Variants in SLC9A9 observed in about 807,000 individuals in gnomAD.
SLC9A9 encodes solute carrier family 9 member A9.
Under a neutral mutation model 77.8 loss-of-function variants are expected in SLC9A9, and 62 were observed. That is an observed-to-expected ratio of 0.80 (90% CI 0.65 to 0.98). The LOEUF (loss-of-function observed/expected upper bound fraction) is 0.98. Ranked by LOEUF, SLC9A9 falls within the 50% of genes least tolerant of loss-of-function variation. The pLI is 0.00. For synonymous variants in SLC9A9, 320 were observed against 283.5 expected (o/e 1.13, Z -1.29); for missense variants, 775 against 774.9 (o/e 1.00, Z 0.00).
intron 4 of SLC9A9, among the ~76,000 whole-genome samples, chr3:143,764,391 G>T (rs1221275427): frequency 6.6e-6 from 1 of 152,114 alleles, no homozygotes; most frequent in African/African-American, 2.4e-5. Context: ...TCCGTCCTTG[G>T]AATGTAATAT....
At chr3:143,484,671 G>A (rs2035629663) in intron 11 of SLC9A9, among the ~76,000 whole-genome samples, 1 of 152,158 alleles carries the variant, frequency 6.6e-6, no homozygotes, top group Admixed American at 6.5e-5. Context: ...GCTGGGGTTG[G>A]CCTGGATTAG....
At chr3:143,699,557 T>C (rs1933738111) in intron 4 of SLC9A9, among the ~76,000 whole-genome samples, 1 of 152,130 alleles carries the variant, frequency 6.6e-6, no homozygotes, top group African/African-American at 2.4e-5. Context: ...GTACTGAACT[T>C]ACCGGTGCCG....
intron 6 of SLC9A9, among the ~76,000 whole-genome samples, chr3:143,597,090 T>C (rs1485804314): frequency 1.3e-5 from 2 of 152,220 alleles, no homozygotes; most frequent in Admixed American, 6.5e-5. Flanking sequence ...CATTGTAAGA[T>C]ACATGGATGT....
At chr3:143,818,214 A>T (rs2009071411) in intron 2 of SLC9A9, among the ~76,000 whole-genome samples, 1 of 152,242 alleles carries the variant, frequency 6.6e-6, no homozygotes, top group Non-Finnish European at 1.5e-5. Flanking sequence ...AAAATCACAT[A>T]TATTTTTTAA....
At chr3:143,515,910 T>A (rs76110127) in intron 9 of SLC9A9, among the ~76,000 whole-genome samples, 3,091 of 152,292 alleles carry the variant, frequency 0.02, 99 homozygotes, top group African/African-American at 0.069. Context: ...TTGAGGTGCA[T>A]TTCTCTTTTG....
intron 6 of SLC9A9, among the ~76,000 whole-genome samples, chr3:143,581,835 C>G (rs2037459806): frequency 6.6e-6 from 1 of 152,188 alleles, no homozygotes; most frequent in Admixed American, 6.5e-5. Context: ...ACTAGGGCAA[C>G]AGCACCGTCT....
rs1252793543 is a variant in SLC9A9 at position 143,449,820 on chromosome 3, T to TTA, written c.1469+17215_1469+17216dup. Among the ~76,000 whole-genome samples, 137 of 40,270 alleles carry TTA rather than the reference T, an allele frequency of 3.4e-3. 10 individuals are homozygous for TTA. The highest frequency in any genetic ancestry group is 4.1e-3 in the Non-Finnish European group (120 of 29,036). 26.4% of individuals were successfully genotyped at this position (40,270 alleles called of 152,430 possible). On this transcript the variant is annotated intron_variant, in intron 12 of 15. Coordinates refer to ENST00000316549, the MANE Select transcript of SLC9A9 (RefSeq NM_173653.4). ...ATATTTTATATATATAATTATATAT[T>TTA]TACATATATAATTATATGTATTATA...
intron 6 of SLC9A9, among the ~76,000 whole-genome samples, chr3:143,581,520 CTTCT>C (rs762146738): frequency 1.3e-5 from 2 of 151,878 alleles, no homozygotes; most frequent in Non-Finnish European, 2.9e-5. Flanking sequence ...CCCTTCCTTC[CTTCT>C]TTCCCTCCTT....
chr3:143,368,472 G>C (rs1383160674), intron 13 of SLC9A9, among the ~76,000 whole-genome samples: 2 of 152,188 alleles, frequency 1.3e-5, no homozygotes, highest in Non-Finnish European at 2.9e-5. Flanking sequence ...GATGAACTCT[G>C]CTTTGGGATA....
intron 4 of SLC9A9, among the ~76,000 whole-genome samples, chr3:143,762,410 T>C (rs573023528): frequency 1.3e-5 from 2 of 152,320 alleles, no homozygotes; most frequent in East Asian, 3.9e-4. Flanking sequence ...AGAATGGTAT[T>C]TGGGTTATTT....
intron 6 of SLC9A9, among the ~76,000 whole-genome samples, chr3:143,643,518 G>A (rs2038654847): frequency 6.6e-6 from 1 of 152,194 alleles, no homozygotes; most frequent in African/African-American, 2.4e-5. Flanking sequence ...CCTCTGGGCA[G>A]TATATGCCAT....
chr3:143,598,471 T>C (rs2037794592), intron 6 of SLC9A9, among the ~76,000 whole-genome samples: 1 of 152,220 alleles, frequency 6.6e-6, no homozygotes, highest in Non-Finnish European at 1.5e-5. Flanking sequence ...GGTAAATTAG[T>C]GGCGCTAGTG....
At chr3:143,505,579 T>C (rs143006770) in intron 9 of SLC9A9, among the ~76,000 whole-genome samples, 40 of 152,268 alleles carry the variant, frequency 2.6e-4, no homozygotes, top group African/African-American at 9.1e-4. Context: ...ATTTCTTTGT[T>C]TGAGAATTTT....
intron 4 of SLC9A9, among the ~76,000 whole-genome samples, chr3:143,756,605 G>A (rs1291943632): frequency 6.6e-6 from 1 of 152,134 alleles, no homozygotes. Context: ...TGAATCCAGG[G>A]CACTCTGGAG....
intron 9 of SLC9A9, among the ~76,000 whole-genome samples, chr3:143,523,558 C>G (rs1394425302): frequency 1.3e-5 from 2 of 152,148 alleles, no homozygotes; most frequent in East Asian, 3.8e-4. Context: ...GCGTGAATCC[C>G]AGCTCTTCGG....
At chr3:143,814,983 T>TGG (rs34234343) in intron 2 of SLC9A9, among the ~76,000 whole-genome samples, 32,275 of 151,616 alleles carry the variant, frequency 0.21, 3,570 homozygotes, top group South Asian at 0.31. Context: ...AGGAATCTGA[T>TGG]AAATGGCTCT....
intron 1 of SLC9A9, among the ~76,000 whole-genome samples, chr3:143,843,982 A>G (rs888846473): frequency 8.5e-5 from 13 of 152,324 alleles, no homozygotes; most frequent in African/African-American, 2.4e-4. Context: ...ATTACCCATT[A>G]CTGTTCCTGG....
chr3:143,624,442 G>GATGCAAGACTGGTTCAACAT (rs2108717874), intron 6 of SLC9A9, among the ~76,000 whole-genome samples: 1 of 152,258 alleles, frequency 6.6e-6, no homozygotes, highest in African/African-American at 2.4e-5. Flanking sequence ...TCATCCCTGG[G>GATGCAAGACTGGTTCAACAT]ATGCAAGACT....
intron 7 of SLC9A9, among the ~76,000 whole-genome samples, chr3:143,575,953 C>T (rs1282013550): frequency 5.9e-5 from 9 of 151,940 alleles, no homozygotes; most frequent in Admixed American, 5.9e-4. Flanking sequence ...TCAATGTCAC[C>T]ACTGTTACCG....
Sources: gnomAD v4.1 joint callset for allele counts (sites outside exome capture counted in the v4.1 genomes callset) on GRCh38, gnomAD v4.1.1 for gene constraint, MANE v1.5 for transcripts, NCBI Gene and HGNC (gene_info 2026-07-23, HGNC 2026-07-21) for gene names.